DAB1: variants seen among roughly 807,000 people sequenced by gnomAD.
DAB1 encodes the protein DAB adaptor protein 1.
In DAB1, 15 loss-of-function variants were observed where a neutral mutation model predicts 64.6. That is an observed-to-expected ratio of 0.23 (90% confidence interval 0.16 to 0.36). The LOEUF is 0.36. Among genes scored for constraint, DAB1 ranks in the 10% least tolerant of loss-of-function variants. DAB1 has a pLI of 1.00. For synonymous variants in DAB1, 235 were observed against 251.9 expected (o/e 0.93, Z 0.64); for missense variants, 596 against 706.7 (o/e 0.84, Z 1.78).
At chr1:57,576,700 G>A (rs957477891) in intron 7 of DAB1, among the ~76,000 whole-genome samples, 5 of 152,150 alleles carry the variant, frequency 3.3e-5, no homozygotes, top group Admixed American at 6.5e-5. Context: ...TAAAATAGCA[G>A]CCCTAGGAAA....
intron 1 of DAB1, among the ~76,000 whole-genome samples, chr1:57,372,085 T>A (rs554124709): frequency 2.6e-5 from 4 of 152,334 alleles, no homozygotes; most frequent in East Asian, 1.9e-4. Context: ...TTCCTTTTTC[T>A]AAGAAAAAGT....
At chr1:58,499,335 A>G (rs1023946187) in intron 3 of DAB1, among the ~76,000 whole-genome samples, 5 of 150,416 alleles carry the variant, frequency 3.3e-5, no homozygotes, top group East Asian at 3.9e-4. Context: ...AAAAAAAAAA[A>G]AAGGCCAGGC....
At chr1:57,552,654 G>T (rs993804426) in intron 7 of DAB1, among the ~76,000 whole-genome samples, 6 of 152,176 alleles carry the variant, frequency 3.9e-5, no homozygotes, top group African/African-American at 1.4e-4. Flanking sequence ...ACTTCAATCA[G>T]CTCATTGTTA....
At chr1:58,139,395 T>C (rs1015384169) in intron 5 of DAB1, among the ~76,000 whole-genome samples, 1 of 152,118 alleles carries the variant, frequency 6.6e-6, no homozygotes, top group African/African-American at 2.4e-5. Flanking sequence ...AGGGGAGGTC[T>C]CAGGAAAATT....
chr1:58,008,777 CAA>C, intron 5 of DAB1, among the ~76,000 whole-genome samples: 1 of 152,256 alleles, frequency 6.6e-6, no homozygotes, highest in South Asian at 2.1e-4. Flanking sequence ...AGTTAAAACA[CAA>C]AACCTCTTAC....
At chr1:57,830,817 C>G (rs1156961674) in intron 1 of DAB1, among the ~76,000 whole-genome samples, 2 of 152,180 alleles carry the variant, frequency 1.3e-5, no homozygotes, top group Admixed American at 1.3e-4. Flanking sequence ...ATGGAGAGTG[C>G]ATATGTGACT....
chr1:57,694,481 C>A (rs928719583), intron 6 of DAB1, among the ~76,000 whole-genome samples: 1 of 152,072 alleles, frequency 6.6e-6, no homozygotes, highest in South Asian at 2.1e-4. Flanking sequence ...CAATTGACAA[C>A]TTGATAAGCA....
At chr1:57,461,347 T>C (rs1286435917) in intron 7 of DAB1, among the ~76,000 whole-genome samples, 2 of 152,196 alleles carry the variant, frequency 1.3e-5, no homozygotes, top group Non-Finnish European at 1.5e-5. Flanking sequence ...TTCAGAAACA[T>C]GGGTTGTTTT....
At chr1:57,698,768 A>C (rs1425013608) in intron 6 of DAB1, among the ~76,000 whole-genome samples, 2 of 152,172 alleles carry the variant, frequency 1.3e-5, no homozygotes, top group African/African-American at 4.8e-5. Flanking sequence ...TGGCACTGGG[A>C]GCTTCTCTTT....
intron 4 of DAB1, among the ~76,000 whole-genome samples, chr1:57,131,643 T>C (rs1570749389): frequency 6.6e-6 from 1 of 152,234 alleles, no homozygotes. Context: ...CAGACTTGTT[T>C]TTGATGAGGC....
At chr1:57,190,703 C>T (rs944840794) in intron 2 of DAB1, among the ~76,000 whole-genome samples, 5 of 152,108 alleles carry the variant, frequency 3.3e-5, no homozygotes, top group African/African-American at 1.2e-4. Flanking sequence ...CAGAGGAATG[C>T]AGCATCCCCC....
intron 2 of DAB1, among the ~76,000 whole-genome samples, chr1:57,252,516 G>A (rs1174413495): frequency 2.0e-5 from 3 of 152,012 alleles, no homozygotes; most frequent in Non-Finnish European, 4.4e-5. Context: ...AAGGTTTATT[G>A]TCCTCTTAAA....
chr1:58,490,952 C>A (rs1284675041), intron 3 of DAB1, among the ~76,000 whole-genome samples: 1 of 151,458 alleles, frequency 6.6e-6, no homozygotes, highest in Admixed American at 6.6e-5. Context: ...ACTACAGGCA[C>A]CCGCTACCAA....
chr1:57,430,467 C>T (rs1200215978), intron 7 of DAB1, among the ~76,000 whole-genome samples: 2 of 151,904 alleles, frequency 1.3e-5, no homozygotes, highest in African/African-American at 4.8e-5. Context: ...GCTCCGCCTC[C>T]CGGGTTCACG....
intron 2 of DAB1, among the ~76,000 whole-genome samples, chr1:57,290,675 A>G (rs1672703606): frequency 6.6e-6 from 1 of 152,210 alleles, no homozygotes; most frequent in African/African-American, 2.4e-5. Flanking sequence ...TTATATTATG[A>G]ATACGAAACA....
chr1:57,036,911 T>C (rs1436984316), intron 9 of DAB1, among the ~76,000 whole-genome samples: 1 of 152,180 alleles, frequency 6.6e-6, no homozygotes, highest in Non-Finnish European at 1.5e-5. Context: ...ACCAGATTCA[T>C]GTTATTCTTA....
chr1:57,494,257 T>C (rs2101289163), intron 7 of DAB1, among the ~76,000 whole-genome samples: 1 of 152,234 alleles, frequency 6.6e-6, no homozygotes, highest in South Asian at 2.1e-4. Flanking sequence ...GTTACAATTT[T>C]TTTTTTTTTA....
At chr1:58,290,528 A>G (rs1217263932) in intron 4 of DAB1, among the ~76,000 whole-genome samples, 1 of 152,170 alleles carries the variant, frequency 6.6e-6, no homozygotes, top group African/African-American at 2.4e-5. Flanking sequence ...CTTTACACAC[A>G]TTATCTAATC....
At chr1:57,018,155 C>T (rs1332830453) in intron 11 of DAB1, among the ~76,000 whole-genome samples, 2 of 152,112 alleles carry the variant, frequency 1.3e-5, no homozygotes, top group African/African-American at 2.4e-5. Context: ...TTTAATTTTC[C>T]AGGAATTCAA....
Sources: gnomAD v4.1 joint callset for allele counts (sites outside exome capture counted in the v4.1 genomes callset) on GRCh38, gnomAD v4.1.1 for gene constraint, MANE v1.5 for transcripts, NCBI Gene and HGNC (gene_info 2026-07-23, HGNC 2026-07-21) for gene names.